CYFIP1: variants seen among roughly 807,000 people sequenced by gnomAD.
The protein encoded by CYFIP1 is cytoplasmic FMR1 interacting protein 1.
In CYFIP1, 58 loss-of-function variants were observed where a neutral mutation model predicts 163.5. The ratio of observed to expected loss-of-function variants is 0.35; its 90% CI spans 0.29 to 0.44. CYFIP1 has a LOEUF of 0.44. Ranked by LOEUF, CYFIP1 falls within the 20% of genes least tolerant of loss-of-function variation. The pLI, the probability that CYFIP1 is intolerant of heterozygous loss-of-function variation, is 1.00. For synonymous variants in CYFIP1, 663 were observed against 660.7 expected (o/e 1.00, Z -0.05); for missense variants, 1,338 against 1,653.8 (o/e 0.81, Z 3.31).
At chr15:22,921,175 C>T (rs571210112) in intron 13 of CYFIP1, among the ~76,000 whole-genome samples, 9 of 152,054 alleles carry the variant, frequency 5.9e-5, no homozygotes, top group Non-Finnish European at 1.0e-4. Context: ...CGAGACCAGC[C>T]TGGCCAATAT....
At chr15:22,945,666 C>G (rs762946154) in intron 3 of CYFIP1, among the ~76,000 whole-genome samples, 4 of 151,898 alleles carry the variant, frequency 2.6e-5, no homozygotes, top group Non-Finnish European at 5.9e-5. Flanking sequence ...CTCTGCCTCC[C>G]GGGTTCAAGC....
At chr15:22,965,701 A>C (rs1373794341) in intron 1 of CYFIP1, among the ~76,000 whole-genome samples, 2 of 152,166 alleles carry the variant, frequency 1.3e-5, no homozygotes, top group Non-Finnish European at 2.9e-5. Context: ...ATACTAGAGC[A>C]CCTGTATTTT....
intron 26 of CYFIP1, 61 bp downstream of exon 26, chr15:22,879,852 G>A: frequency 2.2e-6 from 3 of 1,338,306 alleles, no homozygotes; most frequent in African/African-American, 1.5e-5. Flanking sequence ...CCCTCCCCTG[G>A]CCGGTGGGGT....
At chr15:22,874,975 A>T in intron 27 of CYFIP1, among the ~76,000 whole-genome samples, 1 of 152,124 alleles carries the variant, frequency 6.6e-6, no homozygotes, top group Non-Finnish European at 1.5e-5. Flanking sequence ...CCCTGCTCCC[A>T]TGCTATTGAT....
intron 6 of CYFIP1, 69 bp downstream of exon 6, chr15:22,943,104 T>C: frequency 1.4e-6 from 2 of 1,468,676 alleles, no homozygotes; most frequent in Middle Eastern, 2.1e-4. Flanking sequence ...GCACACCTGC[T>C]GTGCACAAGG....
At chr15:22,949,550 C>T (rs1036828394) in intron 1 of CYFIP1, among the ~76,000 whole-genome samples, 2 of 152,212 alleles carry the variant, frequency 1.3e-5, no homozygotes, top group African/African-American at 4.8e-5. Flanking sequence ...CCCCACAGCT[C>T]TTCCAAAGTG....
chr15:22,908,323 G>A (rs375968182), intron 21 of CYFIP1, among the ~76,000 whole-genome samples: 1 of 151,976 alleles, frequency 6.6e-6, no homozygotes, highest in African/African-American at 2.4e-5. Context: ...ATGGGTGAGC[G>A]CCCAAAGAGG....
chr15:22,977,917 T>A, intron 1 of CYFIP1, among the ~76,000 whole-genome samples: 1 of 152,086 alleles, frequency 6.6e-6, no homozygotes, highest in Middle Eastern at 3.4e-3. Context: ...AAACCCAAAG[T>A]CACCTTTAGC....
intron 5 of CYFIP1, 28 bp downstream of exon 5, chr15:22,944,530 A>AC (rs1555417994): frequency 7.9e-5 from 118 of 1,485,978 alleles, no homozygotes; most frequent in East Asian, 3.4e-4. Context: ...TCGGTGTTAC[A>AC]CCCCCCCCAG....
chr15:22,965,178 T>C (rs1187326031), intron 1 of CYFIP1, among the ~76,000 whole-genome samples: 8 of 152,168 alleles, frequency 5.3e-5, no homozygotes, highest in Non-Finnish European at 1.2e-4. Context: ...TAAATTACTG[T>C]CTGGGTGTGG....
rs2061407209 is a variant in CYFIP1 at position 22,927,878 on chromosome 15, C to CG, written c.1233+27dup. On this transcript the variant is annotated intron_variant, in intron 12 of 30. Transcript: ENST00000617928. ...TAAAGTGCCCGAGGCAGCTTTGGAG[C>CG]GGGGCTGGGGTCGGGGACGGGGCCT... The CG allele has an allele frequency of 7.7e-6, 12 of 1,568,378 alleles. No individual in the cohort carries two copies. The East Asian group carries it at 2.6e-4, about 34-fold the overall frequency.
At chr15:22,876,723 C>G (rs965985963) in intron 26 of CYFIP1, among the ~76,000 whole-genome samples, 2 of 151,780 alleles carry the variant, frequency 1.3e-5, no homozygotes, top group Admixed American at 6.6e-5. Context: ...CCCAGCTACT[C>G]GGGAGACTGA....
chr15:22,962,411 TTC>T (rs1482545176), intron 1 of CYFIP1, among the ~76,000 whole-genome samples: 4 of 151,136 alleles, frequency 2.6e-5, no homozygotes, highest in East Asian at 1.9e-4. Context: ...CTTTTTTTTT[TTC>T]TTGAGACGGA....
At chr15:22,971,785 G>A (rs966639893) in intron 1 of CYFIP1, among the ~76,000 whole-genome samples, 9 of 152,052 alleles carry the variant, frequency 5.9e-5, no homozygotes, top group African/African-American at 1.7e-4. Context: ...TGGGAGGATC[G>A]CTTGAGCCCA....
At chr15:22,922,991 C>CAAAAAAAAAAAAAAAAAAAAAAAAAAA (rs1430060564) in intron 13 of CYFIP1, among the ~76,000 whole-genome samples, 1 of 125,252 alleles carries the variant, frequency 8.0e-6, no homozygotes, top group Non-Finnish European at 1.7e-5. Context: ...GACTCTGTCT[C>CAAAAAAAAAAAAAAAAAAAAAAAAAAA]AAAAAAGAAA....
In CYFIP1 at chr15:22,903,776, T is replaced by C; in HGVS notation, c.2518A>G (p.Thr840Ala). ...TTGAGCTCCCAGAAGACGTGCAGGG[T>C]GATCCTCCCGTAGGGCGCTGACACG... ...HNVSAPYGRI[T>A]LHVFWELNYD... Residue 840 changes from threonine (T) to alanine (A), a missense_variant, in exon 22 of 31, where the codon ACC becomes GCC. Thr to Ala is a moderately conservative substitution (Grantham distance 58). Coordinates refer to ENST00000617928, the MANE Select transcript of CYFIP1 (RefSeq NM_014608.6). 6.2e-7 allele frequency: 1 copy of C among 1,614,082 alleles called. No individual in the cohort carries two copies. Among genetic ancestry groups the C allele is most frequent in the East Asian group, 2.2e-5 (1 of 44,866 alleles).
intron 1 of CYFIP1, among the ~76,000 whole-genome samples, chr15:22,950,204 A>G (rs2062203311): frequency 6.6e-6 from 1 of 152,218 alleles, no homozygotes. Flanking sequence ...AGAGGTTGTC[A>G]GAACAGATAA....
intron 30 of CYFIP1, among the ~76,000 whole-genome samples, chr15:22,871,000 A>G (rs1265933710): frequency 6.6e-6 from 1 of 152,212 alleles, no homozygotes; most frequent in Non-Finnish European, 1.5e-5. Flanking sequence ...CCTCAGGGGC[A>G]GATGCCAACA....
At chr15:22,874,719 T>A (rs989803750) in intron 27 of CYFIP1, 75 bp from the exon 28 acceptor site, 8 of 1,020,166 alleles carry the variant, frequency 7.8e-6, no homozygotes, top group Non-Finnish European at 2.7e-6. Flanking sequence ...TACATTTGTT[T>A]AAAAAACAAA....
Sources: allele counts gnomAD v4.1 joint callset (sites outside exome capture counted in the v4.1 genomes callset), GRCh38; gene constraint gnomAD v4.1.1; transcripts MANE v1.5; gene names NCBI Gene and HGNC (gene_info 2026-07-23, HGNC 2026-07-21).